Variants in OTC observed in about 807,000 individuals in gnomAD.
OTC encodes the protein ornithine transcarbamylase, mitochondrial.
A neutral mutation model predicts 30.3 loss-of-function variants in OTC; 3 were observed. The observed-to-expected ratio is 0.10, with a 90% CI of 0.05 to 0.26. The LOEUF is 0.26. OTC is among the 10% of genes least tolerant of loss of function. The probability of loss-of-function intolerance (pLI) is 1.00; values close to 1 mark genes in which losing one functional copy is unlikely to be tolerated. For missense variants in OTC, 194 were observed against 260.3 expected (o/e 0.75, Z 1.75); for synonymous variants, 111 against 99.7 (o/e 1.11, Z -0.67).
At chrX:38,378,115 C>T (rs1392227045) in intron 3 of OTC, among the ~76,000 whole-genome samples, 3 of 105,425 alleles carry the variant, frequency 2.8e-5, no homozygotes, top group African/African-American at 1.0e-4. Flanking sequence ...GGATTACAGG[C>T]GTGAGCCACC....
intron 8 of OTC, among the ~76,000 whole-genome samples, 169 bp from the exon 9 acceptor site, chrX:38,411,693 A>C (rs1400666135): frequency 9.0e-6 from 1 of 111,037 alleles, no homozygotes. Flanking sequence ...TGAAAGTACC[A>C]TGTACATTTC....
chrX:38,418,158 T>C (rs886325464), intron 9 of OTC, among the ~76,000 whole-genome samples: 1 of 111,978 alleles, frequency 8.9e-6, no homozygotes, highest in African/African-American at 3.2e-5. Context: ...TTATCTTTCA[T>C]TTTTTTAAAA....
intron 2 of OTC, among the ~76,000 whole-genome samples, chrX:38,367,778 C>T (rs918784381): frequency 9.1e-6 from 1 of 110,217 alleles, no homozygotes; most frequent in Non-Finnish European, 1.9e-5. Context: ...AGTGCATTGG[C>T]GTGATCTTGG....
At chrX:38,354,934 C>T (rs73474038) in intron 1 of OTC, among the ~76,000 whole-genome samples, 5 of 111,653 alleles carry the variant, frequency 4.5e-5, no homozygotes, top group South Asian at 3.7e-4. Flanking sequence ...GTCAACTCTG[C>T]CTGTTCTATA....
intron 4 of OTC, among the ~76,000 whole-genome samples, chrX:38,388,316 C>G (rs773279838): frequency 8.9e-6 from 1 of 111,810 alleles, no homozygotes; most frequent in East Asian, 2.8e-4. Flanking sequence ...CTTCTCACCC[C>G]CTAACATATC....
At chrX:38,355,765 A>G (rs2068237061) in intron 1 of OTC, among the ~76,000 whole-genome samples, 1 of 112,649 alleles carries the variant, frequency 8.9e-6, no homozygotes, top group African/African-American at 3.2e-5. Context: ...AGCTGGGTGC[A>G]GTGGCTCATG....
intron 3 of OTC, among the ~76,000 whole-genome samples, chrX:38,375,467 A>G (rs554530880): frequency 1.2e-4 from 13 of 111,871 alleles, no homozygotes; most frequent in African/African-American, 4.2e-4. Context: ...ATAGATAGCT[A>G]TCAATTATAG....
intron 4 of OTC, among the ~76,000 whole-genome samples, chrX:38,385,007 G>A (rs759640798): frequency 9.8e-5 from 11 of 111,706 alleles, no homozygotes; most frequent in Non-Finnish European, 1.3e-4. Context: ...GCTCACGTCT[G>A]TAATCCTAGC....
At chrX:38,381,107 A>T (rs2068373917) in intron 3 of OTC, among the ~76,000 whole-genome samples, 1 of 112,411 alleles carries the variant, frequency 8.9e-6, no homozygotes, top group African/African-American at 3.2e-5. Context: ...CAGGTCTTGA[A>T]TAAGAGGGTG....
the OTC span, among the ~76,000 whole-genome samples, chrX:38,332,504 T>TATATATATATATATATATATA: frequency 1.5e-4 from 6 of 39,353 alleles, no homozygotes; most frequent in African/African-American, 4.4e-4. Flanking sequence ...GCCCTAGATT[T>TATATATATATATATATATATA]TATATATATA....
intron 3 of OTC, among the ~76,000 whole-genome samples, chrX:38,380,424 T>C (rs2068369795): frequency 8.9e-6 from 1 of 112,034 alleles, no homozygotes. Context: ...ATCTTGCAAT[T>C]ATGTGTATTT....
At chrX:38,345,747 G>A in the OTC span, among the ~76,000 whole-genome samples, 1 of 109,625 alleles carries the variant, frequency 9.1e-6, no homozygotes, top group African/African-American at 3.3e-5. Context: ...CACCATGTTG[G>A]CCAGGCTGGT....
chrX:38,373,071 T>C (rs1367145730), intron 3 of OTC, among the ~76,000 whole-genome samples: 2 of 112,095 alleles, frequency 1.8e-5, no homozygotes, highest in African/African-American at 6.5e-5. Flanking sequence ...AACAGAAAAG[T>C]GCACAAATCA....
intron 1 of OTC, among the ~76,000 whole-genome samples, chrX:38,365,867 G>A (rs1480995367): frequency 8.9e-6 from 1 of 112,169 alleles, no homozygotes; most frequent in Non-Finnish European, 1.9e-5. Context: ...ACCTAGCATG[G>A]TATTGTTTCA....
At chrX:38,398,006 C>T (rs1486783399) in intron 4 of OTC, among the ~76,000 whole-genome samples, 1 of 112,212 alleles carries the variant, frequency 8.9e-6, no homozygotes, top group Non-Finnish European at 1.9e-5. Flanking sequence ...ACCAGGCATA[C>T]TCCCATGAAA....
At chrX:38,375,673 T>G (rs940776388) in intron 3 of OTC, among the ~76,000 whole-genome samples, 1 of 111,588 alleles carries the variant, frequency 9.0e-6, no homozygotes, top group Non-Finnish European at 1.9e-5. Flanking sequence ...GAATTCGGTC[T>G]TAGATATATT....
intron 4 of OTC, among the ~76,000 whole-genome samples, chrX:38,383,815 CAAAA>C (rs748723759): frequency 1.5e-5 from 1 of 65,260 alleles, no homozygotes. Context: ...AAAGAAAAGA[CAAAA>C]AAAAAAAAAA....
At chrX:38,412,052 G>T (rs2068546762) in intron 9 of OTC, 53 bp downstream of exon 9, 1 of 1,119,300 alleles carries the variant, frequency 8.9e-7, no homozygotes, top group African/African-American at 1.8e-5. Flanking sequence ...TTCCAACTTG[G>T]TCATTCATGC....
the OTC span, among the ~76,000 whole-genome samples, chrX:38,341,338 AT>A: frequency 0.019 from 2,157 of 111,792 alleles, 29 homozygotes; most frequent in South Asian, 0.12. Flanking sequence ...TATACATTGG[AT>A]AAAAAGAATA....
Sources: gnomAD v4.1 joint callset for allele counts (sites outside exome capture counted in the v4.1 genomes callset) on GRCh38, gnomAD v4.1.1 for gene constraint, MANE v1.5 for transcripts, NCBI Gene and HGNC (gene_info 2026-07-23, HGNC 2026-07-21) for gene names.